RANBP2: variants seen among roughly 807,000 people sequenced by gnomAD.
RANBP2 encodes the protein E3 SUMO-protein ligase RanBP2.
RANBP2 carries 57 observed loss-of-function variants against 303.6 expected under a neutral mutation model. The ratio of observed to expected loss-of-function variants is 0.19; its 90% confidence interval spans 0.15 to 0.23. RANBP2 has a LOEUF of 0.23. Ranked by LOEUF, RANBP2 falls within the 10% of genes least tolerant of loss-of-function variation. RANBP2 has a pLI of 1.00. For missense variants in RANBP2, 3,138 were observed against 3,780.8 expected (o/e 0.83, Z 4.46); for synonymous variants, 1,167 against 1,301.5 (o/e 0.90, Z 2.23).
the RANBP2 span, among the ~76,000 whole-genome samples, chr2:109,281,261 A>C: frequency 2.0e-4 from 31 of 152,226 alleles, no homozygotes; most frequent in African/African-American, 7.5e-4. Flanking sequence ...CACACCTGAC[A>C]ACAGGTTGTG....
the RANBP2 span, among the ~76,000 whole-genome samples, chr2:109,736,927 T>C: frequency 6.6e-6 from 1 of 151,602 alleles, no homozygotes; most frequent in African/African-American, 2.4e-5. Context: ...TCTCCTACTC[T>C]AGTACTACCA....
the RANBP2 span, among the ~76,000 whole-genome samples, chr2:108,998,932 C>T: frequency 6.6e-6 from 1 of 152,218 alleles, no homozygotes; most frequent in Admixed American, 6.5e-5. Flanking sequence ...TCCCTGCTAG[C>T]CTCACTGTCC....
chr2:109,648,784 G>A, the RANBP2 span, among the ~76,000 whole-genome samples: 2 of 151,846 alleles, frequency 1.3e-5, no homozygotes, highest in Non-Finnish European at 1.5e-5. Context: ...CTCCCGAGTA[G>A]CTGGGATTAC....
the RANBP2 span, among the ~76,000 whole-genome samples, chr2:109,711,469 C>T: frequency 3.3e-5 from 5 of 152,288 alleles, no homozygotes; most frequent in Middle Eastern, 3.4e-3. Flanking sequence ...GTCAAATAAG[C>T]CACTCTCTTG....
At chr2:109,128,995 G>A in the RANBP2 span, 6 of 426,164 alleles carry the variant, frequency 1.4e-5, no homozygotes, top group Admixed American at 1.5e-4. Flanking sequence ...CGTGCTCGCG[G>A]CCGAGGAAGA....
chr2:109,092,110 C>G, the RANBP2 span, among the ~76,000 whole-genome samples: 1 of 152,150 alleles, frequency 6.6e-6, no homozygotes, highest in South Asian at 2.1e-4. Flanking sequence ...CTGTCTGTCT[C>G]ATTTTTGTGT....
chr2:109,617,437 T>C, the RANBP2 span: 1 of 167,110 alleles, frequency 6.0e-6, no homozygotes, highest in Non-Finnish European at 1.5e-5. Context: ...TTAGAGTAAA[T>C]GGCTTCATAA....
At chr2:109,224,039 T>C in the RANBP2 span, among the ~76,000 whole-genome samples, 1 of 152,202 alleles carries the variant, frequency 6.6e-6, no homozygotes, top group Non-Finnish European at 1.5e-5. Context: ...TCCACATGGC[T>C]CATTAATGGA....
At chr2:108,812,913 T>G in the RANBP2 span, 1 of 1,613,534 alleles carries the variant, frequency 6.2e-7, no homozygotes, top group South Asian at 1.1e-5. Context: ...AGCACCAGTT[T>G]CAAAAACTTA....
At chr2:109,363,490 T>C in the RANBP2 span, among the ~76,000 whole-genome samples, 5 of 152,240 alleles carry the variant, frequency 3.3e-5, no homozygotes, top group African/African-American at 1.2e-4. Context: ...TAAACAGTTA[T>C]TTGTTAAATC....
At chr2:109,332,753 G>C in the RANBP2 span, among the ~76,000 whole-genome samples, 1 of 152,326 alleles carries the variant, frequency 6.6e-6, no homozygotes, top group South Asian at 2.1e-4. Flanking sequence ...CGCCCCCAGG[G>C]TTAGTGTGTG....
At chr2:108,798,500 C>A in the RANBP2 span, 51 of 1,613,742 alleles carry the variant, frequency 3.2e-5, no homozygotes, top group Non-Finnish European at 3.9e-5. Context: ...TGAAAGAGAA[C>A]AACTGCTTTT....
the RANBP2 span, chr2:108,815,847 CA>C: frequency 3.8e-5 from 40 of 1,052,588 alleles, no homozygotes; most frequent in Non-Finnish European, 5.3e-5. Flanking sequence ...TTACTTTAGT[CA>C]AATTATTCTT....
In RANBP2 at chr2:108,770,587, C is replaced by G. The variant is rs148439724; in HGVS notation, c.7850-1114C>G. Among the ~76,000 whole-genome samples the G allele has an allele frequency of 4.5e-3, 682 of 152,200 alleles. 4 individuals carry two copies. The highest frequency in any genetic ancestry group is 0.016 in the African/African-American group (650 of 41,514). On this transcript the variant is annotated intron_variant, in intron 20 of 28. Coordinates refer to ENST00000283195, the MANE Select transcript of RANBP2 (RefSeq NM_006267.5). ...AGTGAACTGTGATCACATCACTGCA[C>G]TCCAGCTCTGGGTGACAAAGCAAGA...
At chr2:109,307,687 T>A in the RANBP2 span, among the ~76,000 whole-genome samples, 1 of 147,058 alleles carries the variant, frequency 6.8e-6, no homozygotes, top group Non-Finnish European at 1.5e-5. Context: ...GGTTTTTTGC[T>A]CTTGCGATAG....
chr2:109,736,265 T>C, the RANBP2 span, among the ~76,000 whole-genome samples: 1 of 152,220 alleles, frequency 6.6e-6, no homozygotes, highest in Non-Finnish European at 1.5e-5. Context: ...TCACTGTTTG[T>C]AGAATAACTT....
At chr2:109,559,989 T>C in the RANBP2 span, among the ~76,000 whole-genome samples, 6,555 of 150,382 alleles carry the variant, frequency 0.044, 441 homozygotes, top group African/African-American at 0.15. Context: ...GGCATGATCT[T>C]GGCTCACCGC....
the RANBP2 span, among the ~76,000 whole-genome samples, chr2:109,400,795 GTCAT>G: frequency 6.6e-6 from 1 of 152,234 alleles, no homozygotes; most frequent in Non-Finnish European, 1.5e-5. Context: ...TAACCGTGCA[GTCAT>G]CTGCCCCCAT....
At chr2:108,918,609 C>G in the RANBP2 span, among the ~76,000 whole-genome samples, 710 of 152,312 alleles carry the variant, frequency 4.7e-3, 7 homozygotes, top group African/African-American at 0.016. Context: ...GTTCTGCCTA[C>G]CTCGCGTGGA....
Sources: allele counts gnomAD v4.1 joint callset (sites outside exome capture counted in the v4.1 genomes callset), GRCh38; gene constraint gnomAD v4.1.1; transcripts MANE v1.5; gene names NCBI Gene and HGNC (gene_info 2026-07-23, HGNC 2026-07-21).